CCBE1: variants seen among roughly 807,000 people sequenced by gnomAD.
The protein encoded by CCBE1 is collagen and calcium-binding EGF domain-containing protein 1.
A neutral mutation model predicts 50.0 loss-of-function variants in CCBE1; 37 were observed. The ratio of observed to expected loss-of-function variants is 0.74; its 90% CI spans 0.57 to 0.97. The LOEUF is 0.97. CCBE1 is among the 50% of genes least tolerant of loss of function. The pLI is 0.00. For synonymous variants in CCBE1, 234 were observed against 203.7 expected, an observed-to-expected ratio of 1.15 and a Z score of -1.27; for missense variants, 538 against 523.8, an observed-to-expected ratio of 1.03 and a Z score of -0.26.
At chr18:59,596,875 A>C (rs2053359032) in intron 2 of CCBE1, among the ~76,000 whole-genome samples, 1 of 152,232 alleles carries the variant, frequency 6.6e-6, no homozygotes, top group Non-Finnish European at 1.5e-5. Flanking sequence ...CAACTTCCAG[A>C]CATAAGCCAC....
intron 7 of CCBE1, among the ~76,000 whole-genome samples, chr18:59,447,704 A>C (rs535465520): frequency 1.7e-4 from 26 of 152,162 alleles, no homozygotes; most frequent in African/African-American, 6.3e-4. Context: ...GATAGTTTTC[A>C]TTTGGTTTTT....
At chr18:59,627,038 C>T (rs1173184556) in intron 2 of CCBE1, among the ~76,000 whole-genome samples, 2 of 152,202 alleles carry the variant, frequency 1.3e-5, no homozygotes, top group Admixed American at 6.5e-5. Flanking sequence ...TGATCCTGTT[C>T]TAGAGCTCAG....
At chr18:59,447,292 G>A (rs1488297429) in intron 7 of CCBE1, among the ~76,000 whole-genome samples, 1 of 152,180 alleles carries the variant, frequency 6.6e-6, no homozygotes, top group Non-Finnish European at 1.5e-5. Context: ...GTGAAAGAAA[G>A]CAGGTCAGTG....
chr18:59,454,057 T>C (rs1366479974), intron 6 of CCBE1, among the ~76,000 whole-genome samples: 1 of 152,132 alleles, frequency 6.6e-6, no homozygotes, highest in African/African-American at 2.4e-5. Flanking sequence ...AGAAAGGGCA[T>C]AGACTATAAT....
intron 2 of CCBE1, among the ~76,000 whole-genome samples, chr18:59,507,904 T>A (rs1214008219): frequency 6.6e-6 from 1 of 151,718 alleles, no homozygotes; most frequent in African/African-American, 2.4e-5. Context: ...TTCCTTTTTT[T>A]TTTTTGAGAT....
At chr18:59,667,156 C>T (rs1342187848) in intron 2 of CCBE1, among the ~76,000 whole-genome samples, 1 of 152,008 alleles carries the variant, frequency 6.6e-6, no homozygotes, top group African/African-American at 2.4e-5. Context: ...ATAGTCCCAG[C>T]TACCCAGGAA....
intron 2 of CCBE1, among the ~76,000 whole-genome samples, chr18:59,579,937 A>G (rs998775338): frequency 2.6e-5 from 4 of 152,326 alleles, no homozygotes; most frequent in Middle Eastern, 3.4e-3. Context: ...GATCTGAAGA[A>G]CAGCATTAAG....
At chr18:59,585,404 G>A (rs1196998800) in intron 2 of CCBE1, among the ~76,000 whole-genome samples, 1 of 152,028 alleles carries the variant, frequency 6.6e-6, no homozygotes, top group Non-Finnish European at 1.5e-5. Flanking sequence ...CACCAAGACT[G>A]CAGGCTCCTG....
chr18:59,532,928 C>T (rs746082790), intron 2 of CCBE1, among the ~76,000 whole-genome samples: 1 of 152,198 alleles, frequency 6.6e-6, no homozygotes, highest in Non-Finnish European at 1.5e-5. Flanking sequence ...ATTGTGACCT[C>T]CTGCCTGGCA....
chr18:59,665,768 ACACTGCT>A (rs532961126), intron 2 of CCBE1, among the ~76,000 whole-genome samples: 87 of 152,314 alleles, frequency 5.7e-4, no homozygotes, highest in African/African-American at 2.0e-3. Flanking sequence ...ACTAAAAAGC[ACACTGCT>A]CACCAAGAGC....
chr18:59,677,495 G>C (rs538073695), intron 2 of CCBE1, among the ~76,000 whole-genome samples: 9 of 152,090 alleles, frequency 5.9e-5, no homozygotes, highest in Non-Finnish European at 1.2e-4. Context: ...AGGCTCAAAA[G>C]ATACATTTCC....
rs1913889241 is a variant in CCBE1 at position 59,506,702 on chromosome 18, G to GCCCTACTGACATGGTGCA, written c.213-26482_213-26465dup. 2.3e-4 allele frequency among the ~76,000 whole-genome samples: 35 copies of GCCCTACTGACATGGTGCA among 152,336 alleles called. 1 individual carries two copies. In the South Asian group the frequency reaches 7.3e-3, roughly 32 times the overall value. On this transcript the variant is annotated intron_variant, in intron 2 of 10. Coordinates refer to ENST00000439986, the MANE Select transcript of CCBE1 (RefSeq NM_133459.4). ...CCAACAGGAAGCCAGGGGCAGGGGA[G>GCCCTACTGACATGGTGCA]CCCTACTGACATGGTGCACCCAGAC...
chr18:59,585,140 C>T (rs577721625), intron 2 of CCBE1, among the ~76,000 whole-genome samples: 3 of 151,998 alleles, frequency 2.0e-5, no homozygotes, highest in African/African-American at 7.3e-5. Context: ...AGCCAAAAAG[C>T]CTTCAACATG....
At position 59,447,870 on chromosome 18, in the gene CCBE1, C is replaced by G. The variant is rs1359289946; in HGVS notation, c.775+113G>C. 6 of 1,537,480 alleles carry G rather than the reference C, an allele frequency of 3.9e-6. No homozygotes were observed. In the African/African-American group the frequency reaches 8.2e-5, roughly 21 times the overall value. On this transcript the variant is annotated intron_variant, in intron 7 of 10. Transcript: ENST00000439986. ...GTGTGGCAGTCCCATGGACACCTGC[C>G]TTGTTTCTCCTCGATGGAAGCTGGA... is the stretch of plus-strand genomic sequence containing the variant.
intron 2 of CCBE1, among the ~76,000 whole-genome samples, chr18:59,558,370 G>A (rs905761758): frequency 1.3e-5 from 2 of 152,236 alleles, no homozygotes; most frequent in African/African-American, 4.8e-5. Flanking sequence ...GATTATGAGA[G>A]CTTTCAGATT....
intron 2 of CCBE1, among the ~76,000 whole-genome samples, chr18:59,589,529 C>T (rs1436031655): frequency 6.6e-6 from 1 of 152,138 alleles, no homozygotes; most frequent in Non-Finnish European, 1.5e-5. Context: ...GGCACGGTGG[C>T]TCACACCTGT....
In CCBE1 at chr18:59,592,801, T is replaced by A. The variant is rs12605679; in HGVS notation, c.212+103828A>T. 2.1e-3 allele frequency among the ~76,000 whole-genome samples: 314 copies of A among 152,206 alleles called. 3 individuals are homozygous for A. In the East Asian group the frequency reaches 0.032, roughly 15 times the overall value. On this transcript the variant is annotated intron_variant, in intron 2 of 10. Transcript: ENST00000439986. Reference sequence around the variant, plus strand: ...CATGTTAATGTTTCATGTGCTCAAATATCACCTGCATAAGGACGAGTGCAC... The same window carrying A: ...CATGTTAATGTTTCATGTGCTCAAAAATCACCTGCATAAGGACGAGTGCAC...
rs537604391 is a variant in CCBE1, at chr18:59,674,848, C to T, written c.212+21781G>A. On this transcript the variant is annotated intron_variant, in intron 2 of 10. Coordinates refer to ENST00000439986, the MANE Select transcript of CCBE1 (RefSeq NM_133459.4). ...AAGGGGTTTAGGGTCTATAAAATTT[C>T]AAATTTACAATAGAAGTTATTTTCT... Among the ~76,000 whole-genome samples the T allele has an allele frequency of 3.9e-5, 6 of 152,194 alleles. No individual in the cohort carries two copies. The East Asian group carries it at 1.2e-3, about 29-fold the overall frequency.
chr18:59,680,790 C>CA (rs1309673382), intron 2 of CCBE1, among the ~76,000 whole-genome samples: 2 of 152,008 alleles, frequency 1.3e-5, no homozygotes, highest in Non-Finnish European at 1.5e-5. Context: ...CATCAGGTTA[C>CA]AAACCCAGCC....
Sources: allele counts gnomAD v4.1 joint callset (sites outside exome capture counted in the v4.1 genomes callset), GRCh38; gene constraint gnomAD v4.1.1; transcripts MANE v1.5; gene names NCBI Gene and HGNC (gene_info 2026-07-23, HGNC 2026-07-21).